Variants in MDGA2 observed in about 807,000 individuals in gnomAD.
MDGA2 encodes the protein MAM domain containing glycosylphosphatidylinositol anchor 2.
Under a neutral mutation model 117.8 loss-of-function variants are expected in MDGA2, and 40 were observed. The observed-to-expected ratio is 0.34, with a 90% CI of 0.26 to 0.44. The LOEUF is 0.44. Among genes scored for constraint, MDGA2 ranks in the 20% least tolerant of loss-of-function variants. The pLI is 1.00. For missense variants in MDGA2, 1,123 were observed against 1,250.6 expected (o/e 0.90, Z 1.54); for synonymous variants, 452 against 439.0 (o/e 1.03, Z -0.37).
chr14:47,493,867 T>C (rs1264913259), intron 1 of MDGA2, among the ~76,000 whole-genome samples: 5 of 152,172 alleles, frequency 3.3e-5, no homozygotes, highest in Non-Finnish European at 7.4e-5. Flanking sequence ...GAGATATATA[T>C]AGATATAGAT....
chr14:47,656,252 G>C (rs777109382), intron 1 of MDGA2, among the ~76,000 whole-genome samples: 6 of 152,158 alleles, frequency 3.9e-5, no homozygotes, highest in Non-Finnish European at 5.9e-5. Context: ...GCCCAAGTAA[G>C]CTATATGCAG....
At chr14:47,398,964 CA>C (rs1289042641) in intron 1 of MDGA2, among the ~76,000 whole-genome samples, 1 of 152,090 alleles carries the variant, frequency 6.6e-6, no homozygotes, top group Non-Finnish European at 1.5e-5. Context: ...CCTGTGTACT[CA>C]ATAAGTAACT....
At chr14:47,541,853 T>C (rs1390846748) in intron 1 of MDGA2, among the ~76,000 whole-genome samples, 1 of 152,192 alleles carries the variant, frequency 6.6e-6, no homozygotes, top group African/African-American at 2.4e-5. Context: ...GCTCCTCCCC[T>C]GAGCAGCCTG....
At chr14:47,435,755 C>T (rs150839206) in intron 1 of MDGA2, among the ~76,000 whole-genome samples, 154 of 152,184 alleles carry the variant, frequency 1.0e-3, no homozygotes, top group African/African-American at 3.4e-3. Context: ...TTTGTTCCTG[C>T]CAACAATACT....
At chr14:47,109,195 T>A (rs1356070111) in intron 5 of MDGA2, among the ~76,000 whole-genome samples, 1 of 152,184 alleles carries the variant, frequency 6.6e-6, no homozygotes, top group Non-Finnish European at 1.5e-5. Context: ...ACCAGAATTT[T>A]AAGCACAGTA....
At chr14:47,099,642 T>A (rs992214904) in intron 5 of MDGA2, among the ~76,000 whole-genome samples, 1 of 151,926 alleles carries the variant, frequency 6.6e-6, no homozygotes, top group Non-Finnish European at 1.5e-5. Flanking sequence ...TATTATATAA[T>A]GTGATAGTTA....
intron 6 of MDGA2, among the ~76,000 whole-genome samples, chr14:47,065,554 G>C (rs1271794611): frequency 6.6e-6 from 1 of 152,202 alleles, no homozygotes; most frequent in South Asian, 2.1e-4. Flanking sequence ...TTTCCACAAA[G>C]AGGAGGCTGT....
chr14:47,477,464 C>T (rs933195884), intron 1 of MDGA2, among the ~76,000 whole-genome samples: 1 of 152,126 alleles, frequency 6.6e-6, no homozygotes, highest in Non-Finnish European at 1.5e-5. Context: ...AATGTCTCAA[C>T]CAGAGTCCAT....
chr14:47,131,859 A>G lies in MDGA2; in HGVS notation c.793-13T>C, dbSNP rs1233325242. 5.2e-6 allele frequency: 8 copies of G among 1,547,770 alleles called. No homozygotes were observed. Among genetic ancestry groups the G allele is most frequent in the Non-Finnish European group, 7.0e-6 (8 of 1,134,808 alleles). ...TCTTTGTTTCACCCTGAAAATGTAC[A>G]CAAAAAATAAAAGTCATTAGAAAAA... On this transcript the variant is annotated splice_polypyrimidine_tract_variant and intron_variant, in intron 4 of 16. Coordinates refer to ENST00000399232, the MANE Select transcript of MDGA2 (RefSeq NM_001113498.3).
intron 14 of MDGA2, among the ~76,000 whole-genome samples, chr14:46,864,822 G>T (rs1227299511): frequency 1.3e-5 from 2 of 151,846 alleles, no homozygotes; most frequent in Non-Finnish European, 2.9e-5. Flanking sequence ...AGAACACTAA[G>T]GAGCCTTATC....
intron 7 of MDGA2, among the ~76,000 whole-genome samples, chr14:47,049,322 C>T (rs1040768233): frequency 3.9e-5 from 6 of 152,016 alleles, no homozygotes; most frequent in African/African-American, 1.4e-4. Flanking sequence ...TTCCAGACCA[C>T]ATCAGATACC....
chr14:47,593,193 G>T (rs917032171), intron 1 of MDGA2, among the ~76,000 whole-genome samples: 1 of 152,058 alleles, frequency 6.6e-6, no homozygotes, highest in Admixed American at 6.6e-5. Context: ...ACCATTTCAC[G>T]CCCGTCTGAA....
intron 7 of MDGA2, among the ~76,000 whole-genome samples, chr14:47,045,200 C>A (rs75731132): frequency 0.02 from 3,021 of 152,216 alleles, 103 homozygotes; most frequent in African/African-American, 0.068. Flanking sequence ...AGGTTCTATT[C>A]TTGCTGCCTC....
chr14:47,439,934 G>C (rs946415431), intron 1 of MDGA2, among the ~76,000 whole-genome samples: 3 of 151,960 alleles, frequency 2.0e-5, no homozygotes, highest in African/African-American at 7.2e-5. Flanking sequence ...CTTACTTTTA[G>C]CCTTTTTTTC....
chr14:47,411,377 T>C (rs1892369458), intron 1 of MDGA2, among the ~76,000 whole-genome samples: 1 of 152,114 alleles, frequency 6.6e-6, no homozygotes, highest in Non-Finnish European at 1.5e-5. Context: ...GGTTTGAACA[T>C]TCTAGAATGT....
intron 1 of MDGA2, among the ~76,000 whole-genome samples, chr14:47,570,563 A>G (rs1896000465): frequency 6.6e-6 from 1 of 152,110 alleles, no homozygotes; most frequent in Admixed American, 6.6e-5. Context: ...CCAAAGGTAT[A>G]TATTCTCTTA....
intron 3 of MDGA2, among the ~76,000 whole-genome samples, chr14:47,217,478 C>G (rs1886135550): frequency 6.6e-6 from 1 of 151,926 alleles, no homozygotes; most frequent in Non-Finnish European, 1.5e-5. Context: ...TCAGGTGGCA[C>G]AGCATTGTCC....
At chr14:47,603,188 A>G (rs1896679259) in intron 1 of MDGA2, among the ~76,000 whole-genome samples, 1 of 152,126 alleles carries the variant, frequency 6.6e-6, no homozygotes, top group Admixed American at 6.5e-5. Flanking sequence ...CAATATTTTT[A>G]CTTTTTCCAC....
At chr14:47,311,095 G>A (rs1400539420) in intron 1 of MDGA2, among the ~76,000 whole-genome samples, 1 of 151,984 alleles carries the variant, frequency 6.6e-6, no homozygotes, top group Non-Finnish European at 1.5e-5. Flanking sequence ...TAAAGGCAGA[G>A]GTACTAATGA....
Sources: gnomAD v4.1 joint callset for allele counts (sites outside exome capture counted in the v4.1 genomes callset) on GRCh38, gnomAD v4.1.1 for gene constraint, MANE v1.5 for transcripts, NCBI Gene and HGNC (gene_info 2026-07-23, HGNC 2026-07-21) for gene names.